Variants in ATG5 observed in about 807,000 individuals in gnomAD.
The protein encoded by ATG5 is autophagy related 5, also known as autophagy protein 5.
A neutral mutation model predicts 36.5 loss-of-function variants in ATG5; 14 were observed. That is an observed-to-expected ratio of 0.38 (90% CI 0.25 to 0.60). The LOEUF (loss-of-function observed/expected upper bound fraction) is 0.60. Among genes scored for constraint, ATG5 ranks in the 20% least tolerant of loss-of-function variants. The probability of loss-of-function intolerance (pLI) is 0.60; values close to 1 mark genes in which losing one functional copy is unlikely to be tolerated. For synonymous variants in ATG5, 95 were observed against 101.5 expected (o/e 0.94, Z 0.38); for missense variants, 195 against 326.7 (o/e 0.60, Z 3.11).
At chr6:106,306,778 T>C (rs1304061852) in intron 3 of ATG5, among the ~76,000 whole-genome samples, 1 of 152,190 alleles carries the variant, frequency 6.6e-6, no homozygotes, top group African/African-American at 2.4e-5. Flanking sequence ...TCTACTCTTC[T>C]ATTTAATAAT....
chr6:106,211,817 T>C (rs1412527622), intron 6 of ATG5, among the ~76,000 whole-genome samples: 1 of 152,238 alleles, frequency 6.6e-6, no homozygotes, highest in African/African-American at 2.4e-5. Flanking sequence ...GAAACAAATA[T>C]TATATTGATA....
chr6:106,290,426 T>A (rs189110572), intron 4 of ATG5, among the ~76,000 whole-genome samples: 129 of 152,102 alleles, frequency 8.5e-4, no homozygotes, highest in African/African-American at 3.0e-3. Context: ...GCTAAAGCGA[T>A]CCTCCTGCCT....
At chr6:106,206,002 AAATAGC>A (rs1776615207) in intron 6 of ATG5, among the ~76,000 whole-genome samples, 1 of 152,236 alleles carries the variant, frequency 6.6e-6, no homozygotes, top group South Asian at 2.1e-4. Context: ...GTGTGCTAGC[AAATAGC>A]AATTAAGTAC....
chr6:106,252,674 C>T (rs1778640226), intron 5 of ATG5, among the ~76,000 whole-genome samples: 1 of 152,092 alleles, frequency 6.6e-6, no homozygotes, highest in East Asian at 1.9e-4. Context: ...GTCTAAAATC[C>T]CCCACGGGAG....
intron 6 of ATG5, among the ~76,000 whole-genome samples, chr6:106,233,535 G>A (rs894949128): frequency 1.3e-5 from 2 of 152,216 alleles, no homozygotes; most frequent in African/African-American, 4.8e-5. Context: ...ACAGGTCGAT[G>A]AGCTTGCAAC....
At chr6:106,319,823 AG>A (rs2114687613) in intron 1 of ATG5, among the ~76,000 whole-genome samples, 1 of 152,332 alleles carries the variant, frequency 6.6e-6, no homozygotes, top group East Asian at 1.9e-4. Context: ...GGAATTCAGT[AG>A]GTGCTCAAAA....
At chr6:106,278,860 T>C (rs1160889792) in intron 5 of ATG5, among the ~76,000 whole-genome samples, 1 of 152,194 alleles carries the variant, frequency 6.6e-6, no homozygotes, top group Non-Finnish European at 1.5e-5. Flanking sequence ...AGAAGTGACA[T>C]AATTTATCAC....
intron 5 of ATG5, among the ~76,000 whole-genome samples, chr6:106,275,122 T>C (rs909741313): frequency 6.6e-6 from 1 of 152,144 alleles, no homozygotes; most frequent in Non-Finnish European, 1.5e-5. Flanking sequence ...AAGCTTCTTA[T>C]AGAAAGTGAC....
rs147005049 is a variant in ATG5 at position 106,303,494 on chromosome 6, T to C, written c.236+4870A>G. Among the ~76,000 whole-genome samples the C allele has an allele frequency of 1.4e-3, 218 of 152,186 alleles. 1 individual carries two copies. The highest frequency in any genetic ancestry group is 4.4e-3 in the African/African-American group (183 of 41,550). ...AGATATCTATCAAACACTTAAAGAA[T>C]TGACAGCATTTTTACACGACCTTTT... On this transcript the variant is annotated intron_variant, in intron 3 of 7. Transcript: ENST00000369076.
Position 106,300,913 on chromosome 6 carries a change from TTAAAG to T in ATG5, c.236+7446_236+7450del, listed in dbSNP as rs921501589. The stretch of plus-strand genomic sequence containing the variant: ...TCAATTTGCAGAGAAAAATTTCCCA[TTAAAG>T]TTATTTATTTTACAGTTGACAAAAT... On this transcript the variant is annotated intron_variant, in intron 3 of 7. Coordinates refer to ENST00000369076, the MANE Select transcript of ATG5 (RefSeq NM_004849.4). Among the ~76,000 whole-genome samples, 242 of 152,208 alleles carry T rather than the reference TTAAAG, an allele frequency of 1.6e-3. 1 individual carries two copies. Among genetic ancestry groups the T allele is most frequent in the African/African-American group, 5.5e-3 (228 of 41,570 alleles).
Position 106,265,983 on chromosome 6 carries a change from A to T in ATG5, c.478+13678T>A, listed in dbSNP as rs1779213147. On this transcript the variant is annotated intron_variant, in intron 5 of 7. Coordinates refer to ENST00000369076, the MANE Select transcript of ATG5 (RefSeq NM_004849.4). ...AATTCAAAAGCTAGCACAAGACAAG[A>T]ATAATTAAGATCAGAGCAGAATTGA... 2.0e-5 allele frequency among the ~76,000 whole-genome samples: 3 copies of T among 152,082 alleles called. No individual in the cohort carries two copies. The South Asian group carries it at 6.2e-4, about 32-fold the overall frequency.
intron 2 of ATG5, among the ~76,000 whole-genome samples, chr6:106,315,221 C>T (rs1182147090): frequency 6.6e-6 from 1 of 152,200 alleles, no homozygotes; most frequent in Non-Finnish European, 1.5e-5. Flanking sequence ...AAGCAAAGGG[C>T]AGACTTCATT....
intron 7 of ATG5, among the ~76,000 whole-genome samples, chr6:106,201,148 A>G (rs1776412914): frequency 6.6e-6 from 1 of 152,220 alleles, no homozygotes; most frequent in Admixed American, 6.5e-5. Flanking sequence ...TTCAGTACAG[A>G]CACAATCATC....
At chr6:106,248,430 A>G (rs961677038) in intron 5 of ATG5, among the ~76,000 whole-genome samples, 186 bp from the exon 6 acceptor site, 26 of 152,268 alleles carry the variant, frequency 1.7e-4, no homozygotes, top group Admixed American at 1.6e-3. Context: ...ATTTTTTTCT[A>G]CATTATTGCA....
Position 106,186,355 on chromosome 6 carries a change from G to A in ATG5, c.*185C>T. On this transcript the variant is annotated 3_prime_UTR_variant, in exon 8 of 8. Transcript: ENST00000369076. Reference sequence around the variant, plus strand: ...TTAATGATGGCAGTGGAGGAAAGCAGAGGTGATGCAAAGTAAGACCAGCCC... The same window carrying A: ...TTAATGATGGCAGTGGAGGAAAGCAAAGGTGATGCAAAGTAAGACCAGCCC... 1.6e-6 allele frequency: 1 copy of A among 607,002 alleles called. No homozygotes were observed. The highest frequency in any genetic ancestry group is 1.9e-5 in the African/African-American group (1 of 53,760). The allele number at this position is 607,002 out of a possible 1,614,324, so 37.6% of individuals were successfully genotyped here.
chr6:106,297,717 AACACACACACACACACACACAC>A (rs56336702), intron 3 of ATG5, among the ~76,000 whole-genome samples: 13 of 135,520 alleles, frequency 9.6e-5, no homozygotes, highest in South Asian at 5.0e-4. Flanking sequence ...AAATGACTTA[AACACACACACACACACACACAC>A]ACACACACAC....
intron 6 of ATG5, among the ~76,000 whole-genome samples, chr6:106,244,504 C>A (rs1433613984): frequency 6.6e-6 from 1 of 152,192 alleles, no homozygotes; most frequent in African/African-American, 2.4e-5. Context: ...CTTTGCCTAT[C>A]TTAAGTTCAC....
intron 5 of ATG5, among the ~76,000 whole-genome samples, chr6:106,278,565 T>A (rs1053470058): frequency 6.6e-6 from 1 of 152,236 alleles, no homozygotes; most frequent in African/African-American, 2.4e-5. Context: ...CCTGGCTGCA[T>A]AATCTAGTCT....
At chr6:106,260,977 C>G (rs1374840940) in intron 5 of ATG5, among the ~76,000 whole-genome samples, 1 of 152,150 alleles carries the variant, frequency 6.6e-6, no homozygotes, top group Non-Finnish European at 1.5e-5. Context: ...CATGTGACAC[C>G]TGGAAATGCG....
Sources: allele counts gnomAD v4.1 joint callset (sites outside exome capture counted in the v4.1 genomes callset), GRCh38; gene constraint gnomAD v4.1.1; transcripts MANE v1.5; gene names NCBI Gene and HGNC (gene_info 2026-07-23, HGNC 2026-07-21).